The following CPNE8 variants were observed in gnomAD, a reference collection of about 807,000 sequenced individuals.
CPNE8 encodes copine-8.
Under a neutral mutation model 81.5 loss-of-function variants are expected in CPNE8, and 45 were observed. The ratio of observed to expected loss-of-function variants is 0.55; its 90% confidence interval spans 0.44 to 0.71. The LOEUF (loss-of-function observed/expected upper bound fraction) is 0.71. Ranked by LOEUF, CPNE8 falls within the 30% of genes least tolerant of loss-of-function variation. The pLI is 0.00. For synonymous variants in CPNE8, 252 were observed against 226.3 expected (o/e 1.11, Z -1.02); for missense variants, 594 against 672.1 (o/e 0.88, Z 1.28).
chr12:38,725,029 C>T, intron 11 of CPNE8, 130 bp from the exon 12 acceptor site: 2 of 830,896 alleles, frequency 2.4e-6, no homozygotes, highest in South Asian at 1.5e-5. Flanking sequence ...CAAATGCTTT[C>T]AGTATGACTT....
intron 6 of CPNE8, among the ~76,000 whole-genome samples, chr12:38,815,688 T>C (rs1943012742): frequency 6.6e-6 from 1 of 152,200 alleles, no homozygotes; most frequent in African/African-American, 2.4e-5. Context: ...AACACTATGC[T>C]CATCAAAAAA....
chr12:38,789,548 T>A (rs1462668221), intron 6 of CPNE8, among the ~76,000 whole-genome samples: 1 of 151,614 alleles, frequency 6.6e-6, no homozygotes, highest in Non-Finnish European at 1.5e-5. Context: ...TGAGCAAAAA[T>A]TTCTTAGGTA....
intron 3 of CPNE8, among the ~76,000 whole-genome samples, chr12:38,854,277 C>T (rs1237436925): frequency 6.6e-6 from 1 of 151,754 alleles, no homozygotes; most frequent in Admixed American, 6.6e-5. Context: ...CTGGCCTCAA[C>T]AGAGACTCCA....
At chr12:38,867,708 T>G (rs1048823927) in intron 3 of CPNE8, among the ~76,000 whole-genome samples, 1 of 152,202 alleles carries the variant, frequency 6.6e-6, no homozygotes, top group African/African-American at 2.4e-5. Flanking sequence ...CTGAGTAAAG[T>G]GGCCATTCTT....
At chr12:38,674,482 G>C (rs1023236479) in intron 18 of CPNE8, among the ~76,000 whole-genome samples, 31 of 152,172 alleles carry the variant, frequency 2.0e-4, no homozygotes, top group Non-Finnish European at 4.4e-4. Flanking sequence ...TCTATCACTA[G>C]TTAATGCAGA....
At chr12:38,883,541 A>T (rs1048257313) in intron 1 of CPNE8, among the ~76,000 whole-genome samples, 8 of 152,228 alleles carry the variant, frequency 5.3e-5, no homozygotes, top group African/African-American at 1.9e-4. Context: ...CTTGATGAAT[A>T]CATAATAGTC....
chr12:38,738,839 G>A (rs1169993688), intron 10 of CPNE8, among the ~76,000 whole-genome samples: 1 of 144,004 alleles, frequency 6.9e-6, no homozygotes, highest in South Asian at 2.2e-4. Context: ...TTTGAGACAG[G>A]GTCTTGCTCT....
intron 6 of CPNE8, among the ~76,000 whole-genome samples, chr12:38,796,952 G>A (rs957726985): frequency 2.6e-5 from 4 of 152,172 alleles, no homozygotes; most frequent in Non-Finnish European, 4.4e-5. Context: ...TGCTAGCACA[G>A]CAGTATGAGA....
chr12:38,829,100 C>G (rs1034078270), intron 6 of CPNE8, among the ~76,000 whole-genome samples: 2 of 151,990 alleles, frequency 1.3e-5, no homozygotes, highest in Admixed American at 6.6e-5. Context: ...TCAAGAAGTA[C>G]GAAATCTGAT....
chr12:38,882,867 C>T (rs1386139335), intron 1 of CPNE8, among the ~76,000 whole-genome samples: 8 of 152,160 alleles, frequency 5.3e-5, no homozygotes, highest in Non-Finnish European at 1.2e-4. Context: ...CTTCTCTACA[C>T]TTAGACGTTT....
Position 38,874,517 on chromosome 12 carries a change from G to T in CPNE8, c.99-6C>A. ...TGTCTCTGTCAAGAAGATTTCTGTT[G>T]AATAAAACAGAAAATGTTAGCTGGA... is the stretch of plus-strand genomic sequence containing the variant. On this transcript the variant is annotated splice_region_variant and splice_polypyrimidine_tract_variant and intron_variant, in intron 1 of 19. Coordinates refer to ENST00000331366, the MANE Select transcript of CPNE8 (RefSeq NM_153634.3). 1 of 1,594,682 alleles carries T rather than the reference G, an allele frequency of 6.3e-7. No homozygotes were observed. Among genetic ancestry groups the T allele is most frequent in the South Asian group, 1.1e-5 (1 of 89,430 alleles).
At chr12:38,676,702 T>C (rs1939297422) in intron 17 of CPNE8, among the ~76,000 whole-genome samples, 1 of 152,176 alleles carries the variant, frequency 6.6e-6, no homozygotes, top group African/African-American at 2.4e-5. Context: ...AATAATTTAA[T>C]AGTAAGAATG....
chr12:38,758,147 ACT>A (rs34541514), intron 10 of CPNE8, among the ~76,000 whole-genome samples: 18,478 of 148,840 alleles, frequency 0.12, 1,332 homozygotes, highest in East Asian at 0.26. Context: ...CTGTGAACAA[ACT>A]CTCTCTCTCT....
intron 13 of CPNE8, among the ~76,000 whole-genome samples, chr12:38,721,897 A>T (rs1592037795): frequency 6.6e-6 from 1 of 152,114 alleles, no homozygotes; most frequent in African/African-American, 2.4e-5. Flanking sequence ...TGAGCTGCCC[A>T]CCCTGCTGCA....
intron 6 of CPNE8, among the ~76,000 whole-genome samples, chr12:38,802,759 G>T (rs570778429): frequency 1.4e-5 from 2 of 148,124 alleles, no homozygotes; most frequent in African/African-American, 5.0e-5. Flanking sequence ...TAGACCGCTA[G>T]CAAGACTAAT....
intron 13 of CPNE8, among the ~76,000 whole-genome samples, chr12:38,721,986 T>C (rs935122917): frequency 6.6e-6 from 1 of 152,030 alleles, no homozygotes; most frequent in Non-Finnish European, 1.5e-5. Flanking sequence ...GATTCACCCT[T>C]GGCAGGCGTG....
intron 1 of CPNE8, among the ~76,000 whole-genome samples, chr12:38,898,322 T>C (rs1029329946): frequency 2.0e-5 from 3 of 152,038 alleles, no homozygotes; most frequent in Non-Finnish European, 2.9e-5. Context: ...AAAAAAAATA[T>C]ACCAGGGCAA....
chr12:38,715,844 T>C (rs554379237), intron 13 of CPNE8, among the ~76,000 whole-genome samples: 30 of 152,122 alleles, frequency 2.0e-4, no homozygotes, highest in African/African-American at 6.0e-4. Context: ...GAAGAGAGGA[T>C]GTCAACCTGT....
At chr12:38,704,098 A>G (rs1435823666) in intron 13 of CPNE8, among the ~76,000 whole-genome samples, 1 of 152,110 alleles carries the variant, frequency 6.6e-6, no homozygotes, top group Non-Finnish European at 1.5e-5. Context: ...GGAGACTACT[A>G]GAGGAGAGAT....
Sources: allele counts gnomAD v4.1 joint callset (sites outside exome capture counted in the v4.1 genomes callset), GRCh38; gene constraint gnomAD v4.1.1; transcripts MANE v1.5; gene names NCBI Gene and HGNC (gene_info 2026-07-23, HGNC 2026-07-21).